Variants in HSD17B2 observed in about 807,000 individuals in gnomAD.
HSD17B2 encodes hydroxysteroid 17-beta dehydrogenase 2, also known as 17-beta-hydroxysteroid dehydrogenase type 2.
In HSD17B2, 32 loss-of-function variants were observed where a neutral mutation model predicts 26.9. That is an observed-to-expected ratio of 1.19 (90% CI 0.90 to 1.60). The LOEUF is 1.60. HSD17B2 is among the 40% of genes most tolerant of loss of function. HSD17B2 has a pLI of 0.00. For synonymous variants in HSD17B2, 246 were observed against 186.7 expected (o/e 1.32, Z -2.59); for missense variants, 613 against 468.6 (o/e 1.31, Z -2.85).
intron 3 of HSD17B2, among the ~76,000 whole-genome samples, chr16:82,081,846 A>C (rs1167296463): frequency 6.6e-6 from 1 of 152,220 alleles, no homozygotes; most frequent in African/African-American, 2.4e-5. Flanking sequence ...GAATCAACCC[A>C]ATTGCCCATC....
At chr16:82,055,270 C>G (rs188919382) in intron 1 of HSD17B2, among the ~76,000 whole-genome samples, 51 of 152,338 alleles carry the variant, frequency 3.3e-4, no homozygotes, top group African/African-American at 1.2e-3. Context: ...TGCACCTGCT[C>G]TGCCCTGTGC....
At chr16:82,089,290 G>A (rs1193225349) in intron 3 of HSD17B2, among the ~76,000 whole-genome samples, 1 of 152,174 alleles carries the variant, frequency 6.6e-6, no homozygotes, top group African/African-American at 2.4e-5. Context: ...ATTGTTACAT[G>A]TATCAAGTTC....
At chr16:82,071,302 A>G (rs1381812273) in intron 3 of HSD17B2, 175 bp downstream of exon 3, 7 of 683,618 alleles carry the variant, frequency 1.0e-5, no homozygotes, top group African/African-American at 1.8e-5. Flanking sequence ...CTTCTTTCAA[A>G]TTCTTTCATG....
intron 4 of HSD17B2, chr16:82,095,973 C>A (rs576481840): frequency 6.6e-6 from 1 of 152,196 alleles, no homozygotes; most frequent in Middle Eastern, 3.4e-3. Context: ...TAAAAATATG[C>A]ACATCTCCTT....
chr16:82,043,684 CAAAA>C (rs398030034), intron 1 of HSD17B2, among the ~76,000 whole-genome samples: 20 of 22,546 alleles, frequency 8.9e-4, no homozygotes, highest in Admixed American at 1.1e-3. Flanking sequence ...AACTCTGTCT[CAAAA>C]AAAAAAAAAA....
chr16:82,056,562 G>A (rs1042643421), intron 1 of HSD17B2: 15 of 152,202 alleles, frequency 9.9e-5, no homozygotes, highest in Admixed American at 4.6e-4. Flanking sequence ...TAACCTGTGA[G>A]GGGTGGGGAC....
chr16:82,085,656 T>C (rs998124632), intron 3 of HSD17B2, among the ~76,000 whole-genome samples: 3 of 152,144 alleles, frequency 2.0e-5, no homozygotes, highest in Non-Finnish European at 2.9e-5. Flanking sequence ...CTTACTCCAT[T>C]GCTTCTCAAC....
At chr16:82,076,700 G>A (rs904680820) in intron 3 of HSD17B2, among the ~76,000 whole-genome samples, 6 of 152,116 alleles carry the variant, frequency 3.9e-5, no homozygotes, top group South Asian at 4.1e-4. Context: ...TCAGCATCCC[G>A]AGTAGCTGGG....
intron 1 of HSD17B2, among the ~76,000 whole-genome samples, chr16:82,043,684 CAA>C (rs398030034): frequency 1.9e-3 from 43 of 22,540 alleles, no homozygotes; most frequent in African/African-American, 6.9e-3. Flanking sequence ...AACTCTGTCT[CAA>C]AAAAAAAAAA....
intron 4 of HSD17B2, 125 bp from the exon 5 acceptor site, chr16:82,097,950 A>AT: frequency 1.1e-6 from 1 of 917,422 alleles, no homozygotes; most frequent in East Asian, 2.9e-5. Flanking sequence ...AAAAATAAAA[A>AT]AATAAAAAAA....
intron 4 of HSD17B2, chr16:82,095,882 T>G (rs1415999803): frequency 2.6e-5 from 4 of 152,182 alleles, no homozygotes; most frequent in African/African-American, 4.8e-5. Flanking sequence ...AATTCTTCTA[T>G]GTGTATGTAT....
intron 3 of HSD17B2, among the ~76,000 whole-genome samples, chr16:82,087,626 A>G (rs1904565115): frequency 6.6e-6 from 1 of 152,198 alleles, no homozygotes; most frequent in South Asian, 2.1e-4. Context: ...GTGGTATATG[A>G]TCTACTGTCA....
intron 1 of HSD17B2, among the ~76,000 whole-genome samples, chr16:82,050,164 T>A (rs1042808641): frequency 2.0e-5 from 3 of 152,250 alleles, no homozygotes; most frequent in African/African-American, 7.2e-5. Context: ...TCAGTTCCAC[T>A]GGATGTCTTG....
intron 4 of HSD17B2, chr16:82,092,593 G>C (rs1904727148): frequency 6.6e-6 from 1 of 152,202 alleles, no homozygotes; most frequent in Admixed American, 6.5e-5. Flanking sequence ...GGGGGTGCAA[G>C]ACTCAGAGAA....
At chr16:82,083,412 C>T (rs968240917) in intron 3 of HSD17B2, among the ~76,000 whole-genome samples, 1 of 152,100 alleles carries the variant, frequency 6.6e-6, no homozygotes, top group Non-Finnish European at 1.5e-5. Context: ...TTAATCCGGT[C>T]TCTACCAATG....
At chr16:82,050,555 A>C (rs968220201) in intron 1 of HSD17B2, among the ~76,000 whole-genome samples, 21 of 152,102 alleles carry the variant, frequency 1.4e-4, no homozygotes, top group Non-Finnish European at 2.8e-4. Context: ...AGACCCATCA[A>C]AGGCTTTCTG....
intron 4 of HSD17B2, 129 bp from the exon 5 acceptor site, chr16:82,097,946 A>T (rs13330818): frequency 2.4e-5 from 20 of 833,754 alleles, no homozygotes; most frequent in East Asian, 9.2e-5. Context: ...TCCCAAAAAT[A>T]AAAAAATAAA....
rs78238339 is a variant in HSD17B2 at position 82,084,629 on chromosome 16, A to T, written c.665-6273A>T. Among the ~76,000 whole-genome samples, 2,194 of 152,294 alleles carry T rather than the reference A, an allele frequency of 0.014. 116 individuals carry two copies. In the East Asian group the frequency reaches 0.18, roughly 13 times the overall value. ...CTAATTGTACAAAGGACAGTTGGAAAATTGTTCTGTTTGAGGCCCAAAACC... is the reference window on the plus strand; with the variant it reads ...CTAATTGTACAAAGGACAGTTGGAATATTGTTCTGTTTGAGGCCCAAAACC... On this transcript the variant is annotated intron_variant, in intron 3 of 4. Coordinates refer to ENST00000199936, the MANE Select transcript of HSD17B2 (RefSeq NM_002153.3).
intron 4 of HSD17B2, chr16:82,095,215 C>T (rs1597141347): frequency 2.0e-5 from 3 of 152,292 alleles, no homozygotes; most frequent in South Asian, 4.1e-4. Flanking sequence ...GGAATAGTAG[C>T]TCACGAAAAC....
Sources: allele counts gnomAD v4.1 joint callset (sites outside exome capture counted in the v4.1 genomes callset), GRCh38; gene constraint gnomAD v4.1.1; transcripts MANE v1.5; gene names NCBI Gene and HGNC (gene_info 2026-07-23, HGNC 2026-07-21).